GHR: variants seen among roughly 807,000 people sequenced by gnomAD.
GHR encodes growth hormone receptor, also known as GH receptor.
GHR carries 35 observed loss-of-function variants against 67.1 expected under a neutral mutation model. The observed-to-expected ratio is 0.52, with a 90% CI of 0.40 to 0.69. The LOEUF (loss-of-function observed/expected upper bound fraction) is 0.69, where lower values mean the gene tolerates loss of function less well. Among genes scored for constraint, GHR ranks in the 30% least tolerant of loss-of-function variants. The pLI is 0.00. For missense variants in GHR, 792 were observed against 764.6 expected, an observed-to-expected ratio of 1.04 and a Z score of -0.42; for synonymous variants, 272 against 269.1, an observed-to-expected ratio of 1.01 and a Z score of -0.10.
At position 42,711,366 on chromosome 5, in the gene GHR, GAAGAAGGTAA is replaced by G; in HGVS notation, c.784_784+9del. 1.2e-6 allele frequency: 2 copies of G among 1,608,160 alleles called. No individual in the cohort carries two copies. Among genetic ancestry groups the G allele is most frequent in the Non-Finnish European group, 1.7e-6 (2 of 1,174,570 alleles). On this transcript the variant is annotated splice_donor_variant and splice_donor_region_variant and coding_sequence_variant and intron_variant, in exon 7 of 10. Coordinates refer to ENST00000230882, the MANE Select transcript of GHR (RefSeq NM_000163.5). LOFTEE classifies it high-confidence loss of function. ...TCCTCAGATGAGCCAATTTACATGT[GAAGAAGGTAA>G]AAGAAATAAAAGATTAAAATAGTAG... is the stretch of plus-strand genomic sequence containing the variant.
chr5:42,484,549 G>C (rs143120869), intron 1 of GHR, among the ~76,000 whole-genome samples: 1 of 152,268 alleles, frequency 6.6e-6, no homozygotes, highest in African/African-American at 2.4e-5. Flanking sequence ...GAAATATGCA[G>C]CCTGCTGCTC....
intron 1 of GHR, among the ~76,000 whole-genome samples, chr5:42,520,584 G>A (rs1421749411): frequency 6.6e-6 from 1 of 152,006 alleles, no homozygotes; most frequent in East Asian, 1.9e-4. Context: ...AGATTATTAG[G>A]GTCATGATTG....
chr5:42,505,400 C>T (rs559470116), intron 1 of GHR, among the ~76,000 whole-genome samples: 48 of 151,026 alleles, frequency 3.2e-4, no homozygotes, highest in African/African-American at 9.5e-4. Context: ...ATACACTCAG[C>T]AAACATTTTT....
Position 42,648,848 on chromosome 5 carries a change from C to T in GHR, c.136+19745C>T, listed in dbSNP as rs149142565. 4.6e-5 allele frequency among the ~76,000 whole-genome samples: 7 copies of T among 152,148 alleles called. No homozygotes were observed. In the East Asian group the frequency reaches 5.8e-4, roughly 13 times the overall value. ...TGCAGATTTAGGTTTTTTCTGACTGCGCTTATTTTATAGCAACCTCAACAA... is the reference window on the plus strand; with the variant it reads ...TGCAGATTTAGGTTTTTTCTGACTGTGCTTATTTTATAGCAACCTCAACAA... On this transcript the variant is annotated intron_variant, in intron 3 of 9. Transcript: ENST00000230882.
intron 4 of GHR, among the ~76,000 whole-genome samples, chr5:42,693,243 T>C (rs1044173964): frequency 2.0e-5 from 3 of 152,040 alleles, no homozygotes; most frequent in Non-Finnish European, 4.4e-5. Context: ...GTTCAAGCAA[T>C]TCTCCTGCCT....
intron 3 of GHR, among the ~76,000 whole-genome samples, chr5:42,688,518 T>G (rs1306986393): frequency 6.6e-6 from 1 of 152,170 alleles, no homozygotes; most frequent in Non-Finnish European, 1.5e-5. Flanking sequence ...ACACACATAT[T>G]AGTTGTTCTC....
In GHR at chr5:42,500,460, C is replaced by T. The variant is rs1429292739; in HGVS notation, c.-11-65404C>T. Among the ~76,000 whole-genome samples, 2 of 152,242 alleles carry T rather than the reference C, an allele frequency of 1.3e-5. 1 individual carries two copies. Among genetic ancestry groups the T allele is most frequent in the East Asian group, 3.8e-4 (2 of 5,202 alleles). Reference sequence around the variant, plus strand: ...AAATGAAGATAAATACTTGTACTTACTTAACAGGGTTGTTACGAGGATAAA... The same window carrying T: ...AAATGAAGATAAATACTTGTACTTATTTAACAGGGTTGTTACGAGGATAAA... On this transcript the variant is annotated intron_variant, in intron 1 of 9. Transcript: ENST00000230882.
chr5:42,471,998 A>T (rs1745031297), intron 1 of GHR, among the ~76,000 whole-genome samples: 1 of 152,216 alleles, frequency 6.6e-6, no homozygotes, highest in Non-Finnish European at 1.5e-5. Flanking sequence ...ACTAATGCCT[A>T]CTTTGGGCCT....
chr5:42,704,145 C>G (rs1185802571), intron 6 of GHR, among the ~76,000 whole-genome samples: 1 of 151,912 alleles, frequency 6.6e-6, no homozygotes, highest in Non-Finnish European at 1.5e-5. Flanking sequence ...TGTTCCTCAT[C>G]TTAGAAGAAA....
intron 1 of GHR, among the ~76,000 whole-genome samples, chr5:42,510,582 T>TA (rs1299467192): frequency 6.6e-6 from 1 of 152,096 alleles, no homozygotes; most frequent in Non-Finnish European, 1.5e-5. Flanking sequence ...TTATACAACA[T>TA]AAAAAACTGT....
At chr5:42,686,354 A>AGTT (rs1561227352) in intron 3 of GHR, among the ~76,000 whole-genome samples, 3 of 151,472 alleles carry the variant, frequency 2.0e-5, no homozygotes, top group Admixed American at 2.0e-4. Context: ...GCCTTGTAGT[A>AGTT]TGAAGTCAGA....
intron 1 of GHR, among the ~76,000 whole-genome samples, chr5:42,489,052 C>T (rs1579805129): frequency 1.3e-5 from 2 of 152,114 alleles, no homozygotes; most frequent in South Asian, 4.2e-4. Flanking sequence ...TCCTTCCATT[C>T]TTCACTATAT....
rs138386131 is a variant in GHR at position 42,583,878 on chromosome 5, G to GATATATATATATATATAT, written c.70+17936_70+17953dup. On this transcript the variant is annotated intron_variant, in intron 2 of 9. Coordinates refer to ENST00000230882, the MANE Select transcript of GHR (RefSeq NM_000163.5). Reference sequence around the variant, plus strand: ...AAAGATATATATATCTTTAAATAAAGATATATATATATATATATAAATTCT... The same window carrying GATATATATATATATATAT: ...AAAGATATATATATCTTTAAATAAAGATATATATATATATATATATATATATATATATATATAAATTCT... 9.4e-5 allele frequency among the ~76,000 whole-genome samples: 13 copies of GATATATATATATATATAT among 138,970 alleles called. No individual in the cohort carries two copies. The South Asian group carries it at 2.0e-3, about 22-fold the overall frequency. 91.2% of individuals were successfully genotyped at this position (138,970 alleles called of 152,430 possible).
intron 3 of GHR, among the ~76,000 whole-genome samples, chr5:42,652,664 G>A (rs1231291950): frequency 6.6e-6 from 1 of 152,036 alleles, no homozygotes; most frequent in Admixed American, 6.6e-5. Flanking sequence ...GTGTTTACCA[G>A]GTAAACTAAG....
chr5:42,698,024 A>C (rs921114035), intron 5 of GHR, among the ~76,000 whole-genome samples: 2 of 152,174 alleles, frequency 1.3e-5, no homozygotes, highest in Non-Finnish European at 2.9e-5. Flanking sequence ...GGACAAGTTC[A>C]TTGTTTTTAT....
At chr5:42,576,113 TAAAATAAAATAAAATAAAATAAAATAAA>T (rs1393870539) in intron 2 of GHR, among the ~76,000 whole-genome samples, 8 of 81,200 alleles carry the variant, frequency 9.9e-5, no homozygotes, top group African/African-American at 4.1e-4. Context: ...TAAAATAAAA[TAAAATAAAATAAAATAAAATAAAATAAA>T]ATAGTAAAGT....
At chr5:42,611,919 G>T (rs1286709746) in intron 2 of GHR, among the ~76,000 whole-genome samples, 2 of 152,100 alleles carry the variant, frequency 1.3e-5, no homozygotes. Context: ...CACAGAAAGT[G>T]TTGAAGTTCA....
intron 1 of GHR, among the ~76,000 whole-genome samples, chr5:42,464,420 A>G (rs1049320766): frequency 1.3e-5 from 2 of 151,394 alleles, no homozygotes; most frequent in African/African-American, 4.8e-5. Flanking sequence ...ATGCCATCAG[A>G]AACACATACA....
intron 1 of GHR, among the ~76,000 whole-genome samples, chr5:42,511,674 T>C (rs553520044): frequency 3.1e-4 from 47 of 152,254 alleles, no homozygotes; most frequent in African/African-American, 1.1e-3. Context: ...CTTACTGATT[T>C]TGTTTATGTG....
Sources: gnomAD v4.1 joint callset for allele counts (sites outside exome capture counted in the v4.1 genomes callset) on GRCh38, gnomAD v4.1.1 for gene constraint, MANE v1.5 for transcripts, NCBI Gene and HGNC (gene_info 2026-07-23, HGNC 2026-07-21) for gene names.